The following ZC3H11A variants were observed in gnomAD, a reference collection of about 807,000 sequenced individuals.
ZC3H11A encodes the protein zinc finger CCCH-type containing 11A.
In ZC3H11A, 22 loss-of-function variants were observed where a neutral mutation model predicts 90.8. That is an observed-to-expected ratio of 0.24 (90% CI 0.17 to 0.35). ZC3H11A has a LOEUF of 0.35. ZC3H11A is among the 10% of genes least tolerant of loss of function. The probability of loss-of-function intolerance (pLI) is 1.00; values close to 1 mark genes in which losing one functional copy is unlikely to be tolerated. For missense variants in ZC3H11A, 701 were observed against 964.9 expected, an observed-to-expected ratio of 0.73 and a Z score of 3.62; for synonymous variants, 294 against 339.8, an observed-to-expected ratio of 0.87 and a Z score of 1.48.
chr1:203,850,049 T>C (rs11808915), intron 15 of ZC3H11A, 23 bp downstream of exon 15: 317,750 of 1,602,438 alleles, frequency 0.2, 32,151 homozygotes, highest in Middle Eastern at 0.28. Flanking sequence ...ATACTGTGTA[T>C]TGCTTTAGGT....
intron 14 of ZC3H11A, among the ~76,000 whole-genome samples, chr1:203,849,027 G>C (rs1211214828): frequency 6.6e-6 from 1 of 152,148 alleles, no homozygotes; most frequent in East Asian, 1.9e-4. Flanking sequence ...TGGGATCAAA[G>C]GCATGCACCA....
At chr1:203,849,509 G>T (rs2103439755) in intron 14 of ZC3H11A, among the ~76,000 whole-genome samples, 1 of 152,234 alleles carries the variant, frequency 6.6e-6, no homozygotes, top group South Asian at 2.1e-4. Flanking sequence ...TGGAATCTGG[G>T]TTTTTTATTA....
intron 1 of ZC3H11A, chr1:203,797,994 G>A (rs1669204819): frequency 2.0e-6 from 3 of 1,534,024 alleles, no homozygotes; most frequent in Non-Finnish European, 1.7e-6. Context: ...TGAGAAAAGC[G>A]TCAGCAGGGG....
At chr1:203,833,364 CAAA>C (rs34277550) in intron 9 of ZC3H11A, among the ~76,000 whole-genome samples, 2 of 71,142 alleles carry the variant, frequency 2.8e-5, no homozygotes, top group Admixed American at 1.6e-4. Flanking sequence ...GACTCTGTCT[CAAA>C]AAAAAAAAAA....
intron 4 of ZC3H11A, among the ~76,000 whole-genome samples, chr1:203,827,372 A>G (rs1444891082): frequency 6.8e-6 from 1 of 146,742 alleles, no homozygotes; most frequent in African/African-American, 2.5e-5. Flanking sequence ...TTTTCTCCCA[A>G]TTTTCCTTTA....
chr1:203,799,196 T>A lies in ZC3H11A; in HGVS notation c.-1587-2379T>A, dbSNP rs536107917. 8 of 1,154,086 alleles carry A rather than the reference T, an allele frequency of 6.9e-6. No individual in the cohort carries two copies. The East Asian group carries it at 2.0e-4, about 29-fold the overall frequency. The allele number at this position is 1,154,086 out of a possible 1,614,324, so 71.5% of individuals were successfully genotyped here. On this transcript the variant is annotated intron_variant, in intron 1 of 17. Transcript: ENST00000367210. ...GGCTTTCTCCAAATTTCCTTATCCC[T>A]AGCTTCATTGTTTCTGACAATTCCT... is the stretch of plus-strand genomic sequence containing the variant.
intron 2 of ZC3H11A, among the ~76,000 whole-genome samples, chr1:203,815,774 A>AG (rs1676170099): frequency 6.6e-6 from 1 of 152,130 alleles, no homozygotes; most frequent in African/African-American, 2.4e-5. Context: ...AATTTGATTT[A>AG]ATTGATTTCA....
chr1:203,846,598 G>C (rs568446106), intron 12 of ZC3H11A, among the ~76,000 whole-genome samples: 1 of 152,120 alleles, frequency 6.6e-6, no homozygotes, highest in Non-Finnish European at 1.5e-5. Flanking sequence ...ATTACATGTG[G>C]ACAGAGATTT....
chr1:203,836,173 AG>A lies in ZC3H11A; in HGVS notation c.875-1791del, dbSNP rs1465058525. Reference sequence around the variant, plus strand: ...TGAGGTTAGAGGATCCCTTGAGTCCAGGAGTTTGAGTCCAGTCTGGGCAACA... The same window carrying A: ...TGAGGTTAGAGGATCCCTTGAGTCCAGAGTTTGAGTCCAGTCTGGGCAACA... On this transcript the variant is annotated intron_variant, in intron 10 of 17. Transcript: ENST00000367210. Among the ~76,000 whole-genome samples, 7 of 152,296 alleles carry A rather than the reference AG, an allele frequency of 4.6e-5. No homozygotes were observed. In the South Asian group the frequency reaches 1.2e-3, roughly 27 times the overall value.
Position 203,806,106 on chromosome 1 carries a change from A to AC in ZC3H11A, c.-146+3095dup, listed in dbSNP as rs547767421. On this transcript the variant is annotated intron_variant, in intron 2 of 17. Coordinates refer to ENST00000367210, the MANE Select transcript of ZC3H11A (RefSeq NM_001376342.1). ...TCTGCGTAATCATATTCTTTGTAGG[A>AC]CCCCCTCTCATCTTGATCTGGTCCT... The AC allele has an allele frequency of 2.0e-3, 997 of 495,620 alleles. 12 individuals are homozygous for AC. Among genetic ancestry groups the AC allele is most frequent in the African/African-American group, 0.017 (859 of 50,384 alleles). 30.7% of individuals were successfully genotyped at this position (495,620 alleles called of 1,614,324 possible). A position where few individuals can be genotyped will look rare whatever the true frequency, so the allele number is the denominator to read the frequency against.
chr1:203,850,617 C>G lies in ZC3H11A; in HGVS notation c.2042C>G (p.Ala681Gly), dbSNP rs1486862882. The G allele has an allele frequency of 6.2e-7, 1 of 1,614,156 alleles. No individual in the cohort carries two copies. The highest frequency in any genetic ancestry group is 8.5e-7 in the Non-Finnish European group (1 of 1,180,018). The part of the protein sequence containing the change: ...KAVEMHAAVI[A>G]AVKPLSSSSV... ...GTGGAGATGCACGCTGCTGTCATTGCCGCTGTGAAGCCACTCAGCTCCAGC... is the reference window on the plus strand; with the variant it reads ...GTGGAGATGCACGCTGCTGTCATTGGCGCTGTGAAGCCACTCAGCTCCAGC... Residue 681 changes from alanine (A) to glycine (G), a missense_variant, in exon 16 of 18, where the codon GCC becomes GGC. By Grantham distance (60) the Ala-to-Gly change is moderately conservative. This residue lies in a region of ZC3H11A where 530 missense variants were observed against 696.2 expected (regional missense o/e 0.76). Transcript: ENST00000367210.
rs550094648 is a variant in ZC3H11A at position 203,840,129 on chromosome 1, G to A, written c.974-177G>A. 2.5e-3 allele frequency among the ~76,000 whole-genome samples: 378 copies of A among 151,874 alleles called. 1 individual carries two copies. Among genetic ancestry groups the A allele is most frequent in the African/African-American group, 8.6e-3 (357 of 41,404 alleles). On this transcript the variant is annotated intron_variant, in intron 11 of 17. Coordinates refer to ENST00000367210, the MANE Select transcript of ZC3H11A (RefSeq NM_001376342.1). ...AATTTTTGCAATTTTAGTAGAGATG[G>A]GGTTTCACCATGTTGGCCAGGCTGG...
intron 2 of ZC3H11A, among the ~76,000 whole-genome samples, chr1:203,815,216 CT>C (rs59254922): frequency 1.0e-5 from 1 of 97,154 alleles, no homozygotes; most frequent in Non-Finnish European, 1.9e-5. Context: ...CTTTTCTTTT[CT>C]TTTTTTTTTT....
At chr1:203,845,212 AT>A (rs1687562755) in intron 12 of ZC3H11A, among the ~76,000 whole-genome samples, 1 of 152,004 alleles carries the variant, frequency 6.6e-6, no homozygotes, top group South Asian at 2.1e-4. Flanking sequence ...TGACATCCTT[AT>A]TTCTCATTGC....
At chr1:203,820,466 T>TTGTGTGTGTGTGTGTG (rs144962991) in intron 4 of ZC3H11A, among the ~76,000 whole-genome samples, 4,094 of 136,442 alleles carry the variant, frequency 0.03, 97 homozygotes, top group Admixed American at 0.074. Context: ...ATATCACAAA[T>TTGTGTGTGTGTGTGTG]TATGTGTGTG....
chr1:203,840,703 A>T (rs1017186790), intron 12 of ZC3H11A, among the ~76,000 whole-genome samples: 4 of 151,832 alleles, frequency 2.6e-5, no homozygotes, highest in Admixed American at 1.3e-4. Context: ...GCAAGGTCTC[A>T]GCTCACTGCA....
intron 1 of ZC3H11A, chr1:203,797,334 G>T (rs1464364278): frequency 3.8e-6 from 2 of 523,170 alleles, no homozygotes; most frequent in East Asian, 3.3e-5. Flanking sequence ...AAGAGTTCGG[G>T]AATGTTCTCC....
At chr1:203,830,830 C>T (rs115336416) in intron 8 of ZC3H11A, among the ~76,000 whole-genome samples, 2,964 of 150,588 alleles carry the variant, frequency 0.02, 99 homozygotes, top group African/African-American at 0.064. Flanking sequence ...AAAGGAAAAA[C>T]GTCATTTTCT....
At position 203,802,232 on chromosome 1, in the gene ZC3H11A, A is replaced by G. The variant is rs550987207; in HGVS notation, c.-930A>G. 2.6e-5 allele frequency: 4 copies of G among 152,734 alleles called. No homozygotes were observed. The highest frequency in any genetic ancestry group is 2.1e-4 in the South Asian group (1 of 4,822). 9.5% of individuals were successfully genotyped at this position (152,734 alleles called of 1,614,324 possible). On this transcript the variant is annotated 5_prime_UTR_variant, in exon 2 of 18. Transcript: ENST00000367210. ...ATATATACATACATCCATATTATAC[A>G]TAATGATATATGTGTAAGGATTTAC... is the stretch of plus-strand genomic sequence containing the variant.
Sources: gnomAD v4.1 joint callset for allele counts (sites outside exome capture counted in the v4.1 genomes callset) on GRCh38, gnomAD v4.1.1 for gene constraint, gnomAD v4.1.1 regional missense constraint, MANE v1.5 for transcripts, NCBI Gene and HGNC (gene_info 2026-07-23, HGNC 2026-07-21) for gene names.